The following NRXN1 variants were observed in gnomAD, a reference collection of about 807,000 sequenced individuals.
The protein encoded by NRXN1 is neurexin-1.
In NRXN1, 39 loss-of-function variants were observed where a neutral mutation model predicts 150.9. The ratio of observed to expected loss-of-function variants is 0.26; its 90% CI spans 0.20 to 0.34. The LOEUF (loss-of-function observed/expected upper bound fraction) is 0.34. Among genes scored for constraint, NRXN1 ranks in the 10% least tolerant of loss-of-function variants. NRXN1 has a pLI of 1.00. For missense variants in NRXN1, 1,815 were observed against 1,949.9 expected (o/e 0.93, Z 1.30); for synonymous variants, 924 against 757.0 (o/e 1.22, Z -3.62).
chr2:50,761,143 G>A (rs1371377872), intron 5 of NRXN1, among the ~76,000 whole-genome samples: 1 of 151,814 alleles, frequency 6.6e-6, no homozygotes, highest in Non-Finnish European at 1.5e-5. Flanking sequence ...ATTCCCGTTT[G>A]GGCTTTCTAG....
chr2:51,003,498 A>T (rs1267500506), intron 2 of NRXN1, among the ~76,000 whole-genome samples: 1 of 151,996 alleles, frequency 6.6e-6, no homozygotes, highest in African/African-American at 2.4e-5. Flanking sequence ...AATCATCAAA[A>T]TATCCTATCT....
intron 17 of NRXN1, chr2:50,312,720 T>C (rs1333024817): frequency 1.9e-6 from 1 of 515,806 alleles, no homozygotes; most frequent in African/African-American, 1.9e-5. Flanking sequence ...AATGCTTCTA[T>C]CAGATTTGTG....
intron 5 of NRXN1, among the ~76,000 whole-genome samples, chr2:50,800,736 G>C (rs1435089830): frequency 6.6e-6 from 1 of 152,086 alleles, no homozygotes; most frequent in Non-Finnish European, 1.5e-5. Context: ...TTTTAGTAGA[G>C]ACGGGGTTTC....
chr2:50,600,051 A>G (rs900340385), intron 8 of NRXN1, among the ~76,000 whole-genome samples: 2 of 152,096 alleles, frequency 1.3e-5, no homozygotes, highest in Admixed American at 1.3e-4. Context: ...CAAAAATAAT[A>G]TTTTAGAAGA....
chr2:50,695,020 T>C (rs374414095), intron 5 of NRXN1, among the ~76,000 whole-genome samples: 82 of 152,270 alleles, frequency 5.4e-4, no homozygotes, highest in African/African-American at 1.9e-3. Context: ...CACAGCTGGA[T>C]TCTCTGCAGC....
At chr2:50,207,034 C>T (rs550551329) in intron 18 of NRXN1, among the ~76,000 whole-genome samples, 1 of 151,920 alleles carries the variant, frequency 6.6e-6, no homozygotes, top group South Asian at 2.1e-4. Context: ...TCTTCTAGCA[C>T]TCTTCTTCAA....
At chr2:50,955,858 A>C (rs767618723) in intron 2 of NRXN1, among the ~76,000 whole-genome samples, 1 of 152,216 alleles carries the variant, frequency 6.6e-6, no homozygotes, top group African/African-American at 2.4e-5. Flanking sequence ...ATAAATGAAT[A>C]AATTATACAG....
intron 5 of NRXN1, among the ~76,000 whole-genome samples, chr2:50,901,331 C>G (rs974921783): frequency 7.2e-5 from 11 of 151,794 alleles, no homozygotes; most frequent in African/African-American, 2.4e-4. Flanking sequence ...GTCAGGAGAT[C>G]GAGACCATCC....
chr2:50,850,423 A>G (rs139953224), intron 5 of NRXN1, among the ~76,000 whole-genome samples: 220 of 152,214 alleles, frequency 1.4e-3, no homozygotes, highest in Middle Eastern at 3.4e-3. Context: ...ATTACAGATG[A>G]AATATACGGG....
At chr2:50,632,283 G>A (rs1424544164) in intron 5 of NRXN1, 3 of 151,918 alleles carry the variant, frequency 2.0e-5, no homozygotes, top group Non-Finnish European at 4.4e-5. Context: ...TTTAATTTAT[G>A]CAAATATTGT....
At chr2:50,689,576 T>A (rs184747104) in intron 5 of NRXN1, among the ~76,000 whole-genome samples, 16 of 152,304 alleles carry the variant, frequency 1.1e-4, no homozygotes, top group African/African-American at 3.8e-4. Flanking sequence ...ATTTTTAATC[T>A]AAGTTTAGCA....
chr2:50,728,999 AC>A (rs1227827616), intron 5 of NRXN1, among the ~76,000 whole-genome samples: 1 of 152,090 alleles, frequency 6.6e-6, no homozygotes, highest in African/African-American at 2.4e-5. Context: ...CTACTGTGAA[AC>A]CTTTTTTTCC....
intron 17 of NRXN1, among the ~76,000 whole-genome samples, chr2:50,367,854 T>C (rs1367298187): frequency 6.6e-6 from 1 of 152,040 alleles, no homozygotes; most frequent in Non-Finnish European, 1.5e-5. Flanking sequence ...CAAATATTGA[T>C]CCAAAATTTC....
chr2:50,465,992 G>T, intron 16 of NRXN1, among the ~76,000 whole-genome samples: 1 of 151,832 alleles, frequency 6.6e-6, no homozygotes, highest in East Asian at 1.9e-4. Context: ...AATAACTGAA[G>T]AGAGTTATGC....
chr2:50,993,468 C>T (rs1698844751), intron 2 of NRXN1, among the ~76,000 whole-genome samples: 1 of 151,764 alleles, frequency 6.6e-6, no homozygotes, highest in South Asian at 2.1e-4. Context: ...TTCACCCTTT[C>T]CCTTCTTTAG....
intron 5 of NRXN1, among the ~76,000 whole-genome samples, chr2:50,718,170 G>A (rs1696109361): frequency 6.6e-6 from 1 of 152,118 alleles, no homozygotes; most frequent in East Asian, 1.9e-4. Context: ...TTTGAGCCAT[G>A]GTTTCAGATA....
At chr2:50,387,732 A>C (rs2081419341) in intron 17 of NRXN1, among the ~76,000 whole-genome samples, 1 of 152,112 alleles carries the variant, frequency 6.6e-6, no homozygotes. Flanking sequence ...GATTGCTCTT[A>C]ATGGCATTTT....
At chr2:50,258,622 C>G (rs114597479) in intron 17 of NRXN1, among the ~76,000 whole-genome samples, 2,045 of 152,022 alleles carry the variant, frequency 0.013, 54 homozygotes, top group African/African-American at 0.046. Flanking sequence ...ACCGTCTTCC[C>G]TGAGTCACAG....
chr2:50,428,982 A>G (rs1251306728), intron 17 of NRXN1, among the ~76,000 whole-genome samples: 1 of 152,206 alleles, frequency 6.6e-6, no homozygotes, highest in Non-Finnish European at 1.5e-5. Context: ...GCATGCGGGT[A>G]TTAAATAAAA....
Sources: allele counts gnomAD v4.1 joint callset (sites outside exome capture counted in the v4.1 genomes callset), GRCh38; gene constraint gnomAD v4.1.1; transcripts MANE v1.5; gene names NCBI Gene and HGNC (gene_info 2026-07-23, HGNC 2026-07-21).